ICE1: variants seen among roughly 807,000 people sequenced by gnomAD.
The protein encoded by ICE1 is little elongation complex subunit 1.
Under a neutral mutation model 192.7 loss-of-function variants are expected in ICE1, and 64 were observed. The ratio of observed to expected loss-of-function variants is 0.33; its 90% confidence interval spans 0.27 to 0.41. The LOEUF (loss-of-function observed/expected upper bound fraction) is 0.41, where lower values mean the gene tolerates loss of function less well. ICE1 is among the 10% of genes least tolerant of loss of function. The probability of loss-of-function intolerance (pLI) is 1.00; values close to 1 mark genes in which losing one functional copy is unlikely to be tolerated. For missense variants in ICE1, 2,708 were observed against 2,696.0 expected (o/e 1.00, Z -0.10); for synonymous variants, 1,010 against 984.5 (o/e 1.03, Z -0.49).
intron 1 of ICE1, among the ~76,000 whole-genome samples, chr5:5,429,535 A>G (rs542436257): frequency 4.3e-4 from 65 of 152,352 alleles, no homozygotes; most frequent in Admixed American, 5.9e-4. Flanking sequence ...CCAAGATGTC[A>G]GTAGTGCTGA....
intron 10 of ICE1, among the ~76,000 whole-genome samples, chr5:5,450,381 A>G (rs1404374650): frequency 6.6e-6 from 1 of 152,218 alleles, no homozygotes; most frequent in African/African-American, 2.4e-5. Context: ...AGAGCATCAT[A>G]CAAAGGGACA....
chr5:5,466,409 A>G lies in ICE1; in HGVS notation c.5968A>G (p.Ile1990Val), dbSNP rs769925504. 6.2e-7 allele frequency: 1 copy of G among 1,613,658 alleles called. No individual in the cohort carries two copies. The highest frequency in any genetic ancestry group is 8.5e-7 in the Non-Finnish European group (1 of 1,179,752). Residue 1990 changes from isoleucine (I) to valine (V), a missense_variant, in exon 14 of 19, where the codon ATT becomes GTT. By Grantham distance (29) the Ile-to-Val change is conservative. Coordinates refer to ENST00000296564, the MANE Select transcript of ICE1 (RefSeq NM_015325.3). ...IQKISMDHNY[I>V]HALCRVYVGI... ...GAAGATATCTATGGACCACAATTAC[A>G]TTCACGCCCTCTGCAGGGTGTATGT... is the stretch of plus-strand genomic sequence containing the variant.
At chr5:5,440,996 C>A in intron 4 of ICE1, 116 bp from the exon 5 acceptor site, 1 of 631,650 alleles carries the variant, frequency 1.6e-6, no homozygotes, top group Non-Finnish European at 2.7e-6. Flanking sequence ...TTTAAAAAGA[C>A]TTTTTCATCC....
intron 15 of ICE1, among the ~76,000 whole-genome samples, chr5:5,469,307 A>G (rs1739086239): frequency 6.6e-6 from 1 of 152,236 alleles, no homozygotes; most frequent in Admixed American, 6.5e-5. Context: ...TGGTTCTTCA[A>G]TAGATACTTA....
chr5:5,439,223 A>G (rs1287391738), intron 3 of ICE1, among the ~76,000 whole-genome samples: 2 of 152,210 alleles, frequency 1.3e-5, no homozygotes, highest in Non-Finnish European at 2.9e-5. Context: ...AATAAAATAT[A>G]GTTCTTGTTC....
chr5:5,475,916 T>A lies in ICE1; in HGVS notation c.6414-57T>A, dbSNP rs1739291823. 5.0e-6 allele frequency: 5 copies of A among 1,006,412 alleles called. No individual in the cohort carries two copies. In the East Asian group the frequency reaches 1.2e-4, roughly 24 times the overall value. The allele number at this position is 1,006,412 out of a possible 1,614,324, so 62.3% of individuals were successfully genotyped here. On this transcript the variant is annotated intron_variant, in intron 16 of 18. Coordinates refer to ENST00000296564, the MANE Select transcript of ICE1 (RefSeq NM_015325.3). The stretch of plus-strand genomic sequence containing the variant: ...TATTGCTTAAGGATCATTTATAAGA[T>A]ATTAGTATTATTTGAGTGATGATGA...
Position 5,489,479 on chromosome 5 carries a change from G to T in ICE1, c.*149G>T. On this transcript the variant is annotated 3_prime_UTR_variant, in exon 19 of 19. Transcript: ENST00000296564. ...AGAGGCTCTCCTTATTGTTTGGCAA[G>T]GAGACAGGAGAAACAAGCAGTCGCA... The T allele has an allele frequency of 1.5e-6, 1 of 658,154 alleles. No homozygotes were observed. The highest frequency in any genetic ancestry group is 2.4e-6 in the Non-Finnish European group (1 of 412,564). The allele number at this position is 658,154 out of a possible 1,614,324, so 40.8% of individuals were successfully genotyped here.
intron 17 of ICE1, among the ~76,000 whole-genome samples, chr5:5,483,876 A>C (rs2111406695): frequency 6.6e-6 from 1 of 152,256 alleles, no homozygotes; most frequent in East Asian, 1.9e-4. Flanking sequence ...CTTTCCTTTG[A>C]AATTGTGTCA....
rs760364760 is a variant in ICE1 at position 5,443,247 on chromosome 5, A to G, written c.386+3A>G. ...GAATGCTTGAAGAGTGATGCTCAGT[A>G]AGTAGTTACTAAATTACTATAGAAA... is the stretch of plus-strand genomic sequence containing the variant. On this transcript the variant is annotated splice_donor_region_variant and intron_variant, in intron 6 of 18. Coordinates refer to ENST00000296564, the MANE Select transcript of ICE1 (RefSeq NM_015325.3). 4.9e-6 allele frequency: 7 copies of G among 1,426,768 alleles called. No individual in the cohort carries two copies. The highest frequency in any genetic ancestry group is 2.9e-5 in the African/African-American group (2 of 68,326). The allele number at this position is 1,426,768 out of a possible 1,614,324, so 88.4% of individuals were successfully genotyped here.
intron 17 of ICE1, 41 bp from the exon 18 acceptor site, chr5:5,486,680 C>A: frequency 7.6e-7 from 1 of 1,324,072 alleles, no homozygotes; most frequent in Non-Finnish European, 1.1e-6. Flanking sequence ...AGTTAATCAA[C>A]ATTTAACTGG....
At chr5:5,436,384 A>G (rs1737873039) in intron 1 of ICE1, 34 bp from the exon 2 acceptor site, 2 of 1,308,466 alleles carry the variant, frequency 1.5e-6, no homozygotes, top group South Asian at 1.6e-5. Flanking sequence ...AAAGTAATTG[A>G]TAAAAAAGCT....
At chr5:5,435,086 G>C (rs115669926) in intron 1 of ICE1, among the ~76,000 whole-genome samples, 2,100 of 152,260 alleles carry the variant, frequency 0.014, 35 homozygotes, top group Middle Eastern at 0.048. Context: ...GAAATTCATG[G>C]CATGCTGTCT....
At chr5:5,453,690 T>A (rs550148651) in intron 10 of ICE1, among the ~76,000 whole-genome samples, 1 of 152,334 alleles carries the variant, frequency 6.6e-6, no homozygotes, top group East Asian at 1.9e-4. Flanking sequence ...CACCACAAGC[T>A]ATTCATAGTT....
intron 7 of ICE1, among the ~76,000 whole-genome samples, chr5:5,444,534 G>A (rs1048296086): frequency 6.6e-6 from 1 of 152,150 alleles, no homozygotes; most frequent in African/African-American, 2.4e-5. Context: ...ATGGAATGTG[G>A]CAAATCTCCG....
intron 5 of ICE1, among the ~76,000 whole-genome samples, chr5:5,441,960 T>C (rs951678570): frequency 1.3e-5 from 2 of 152,180 alleles, no homozygotes; most frequent in South Asian, 2.1e-4. Flanking sequence ...TTTTAGGGCA[T>C]GTTCGATCTT....
intron 12 of ICE1, among the ~76,000 whole-genome samples, chr5:5,458,942 G>A (rs1255305335): frequency 3.3e-5 from 5 of 151,880 alleles, no homozygotes; most frequent in Admixed American, 6.6e-5. Flanking sequence ...GCGCGATCTC[G>A]GCTCACTGCA....
At chr5:5,468,025 T>TG (rs2111390903) in intron 14 of ICE1, among the ~76,000 whole-genome samples, 1 of 152,252 alleles carries the variant, frequency 6.6e-6, no homozygotes, top group South Asian at 2.1e-4. Flanking sequence ...CATCAGCAGG[T>TG]GAATGGAAAA....
At chr5:5,436,543 G>A in intron 2 of ICE1, 67 bp downstream of exon 2, 1 of 889,370 alleles carries the variant, frequency 1.1e-6, no homozygotes, top group Non-Finnish European at 1.6e-6. Context: ...AGCAGGCGGT[G>A]CTTTTAGGCC....
intron 1 of ICE1, among the ~76,000 whole-genome samples, chr5:5,432,800 T>C (rs1364817705): frequency 6.6e-6 from 1 of 152,226 alleles, no homozygotes; most frequent in African/African-American, 2.4e-5. Flanking sequence ...AAATATAATA[T>C]TATTTATCTC....
Sources: gnomAD v4.1 joint callset for allele counts (sites outside exome capture counted in the v4.1 genomes callset) on GRCh38, gnomAD v4.1.1 for gene constraint, MANE v1.5 for transcripts, NCBI Gene and HGNC (gene_info 2026-07-23, HGNC 2026-07-21) for gene names.